The following VEGFC variants were observed in gnomAD, a reference collection of about 807,000 sequenced individuals.
VEGFC encodes the protein vascular endothelial growth factor C, also known as FLT4 ligand DHM.
Under a neutral mutation model 46.1 loss-of-function variants are expected in VEGFC, and 12 were observed. The ratio of observed to expected loss-of-function variants is 0.26; its 90% CI spans 0.17 to 0.42. The LOEUF is 0.42. Ranked by LOEUF, VEGFC falls within the 10% of genes least tolerant of loss-of-function variation. The probability of loss-of-function intolerance (pLI) is 1.00; values close to 1 mark genes in which losing one functional copy is unlikely to be tolerated. For missense variants in VEGFC, 488 were observed against 529.4 expected, an observed-to-expected ratio of 0.92 and a Z score of 0.77; for synonymous variants, 232 against 195.5, an observed-to-expected ratio of 1.19 and a Z score of -1.56.
At chr4:176,696,624 G>A (rs1157093690) in intron 4 of VEGFC, among the ~76,000 whole-genome samples, 2 of 151,134 alleles carry the variant, frequency 1.3e-5, no homozygotes, top group Non-Finnish European at 2.9e-5. Context: ...CACAGAACTG[G>A]AAAAAACTAC....
chr4:176,690,836 G>C (rs1191468349), intron 4 of VEGFC, among the ~76,000 whole-genome samples: 1 of 152,162 alleles, frequency 6.6e-6, no homozygotes, highest in African/African-American at 2.4e-5. Context: ...TTGGCATCGA[G>C]TGGCCATTAT....
intron 3 of VEGFC, among the ~76,000 whole-genome samples, chr4:176,720,100 G>A (rs1212591101): frequency 6.6e-6 from 1 of 151,896 alleles, no homozygotes; most frequent in African/African-American, 2.4e-5. Context: ...AAAAATATAA[G>A]CGAATCCTTT....
At position 176,727,961 on chromosome 4, in the gene VEGFC, A is replaced by T. The variant is rs775540239; in HGVS notation, c.369T>A (p.Asp123Glu). ...TGCATTGAGTCTTTCTCCACTCATTATCAATACCTGTCAAGTCATAGGGAA... is the reference window on the plus strand; with the variant it reads ...TGCATTGAGTCTTTCTCCACTCATTTTCAATACCTGTCAAGTCATAGGGAA... ...HYNTEILKSI[D>E]NEWRKTQCMP... is the part of the protein sequence containing the mutation. Residue 123 changes from aspartate to glutamate, a missense_variant, in exon 3 of 7, where the codon GAT becomes GAA. Transcript: ENST00000618562. The T allele has an allele frequency of 2.5e-6, 4 of 1,606,084 alleles. No homozygotes were observed. The South Asian group carries it at 3.3e-5, about 13-fold the overall frequency.
chr4:176,781,994 G>A (rs899629009), intron 1 of VEGFC, among the ~76,000 whole-genome samples: 1 of 152,144 alleles, frequency 6.6e-6, no homozygotes, highest in Non-Finnish European at 1.5e-5. Flanking sequence ...CTCAACTACC[G>A]CAGTGCCAAG....
intron 3 of VEGFC, among the ~76,000 whole-genome samples, chr4:176,718,788 G>A (rs1734735797): frequency 6.6e-6 from 1 of 152,030 alleles, no homozygotes; most frequent in African/African-American, 2.4e-5. Flanking sequence ...AATATATAAG[G>A]TAAATACTAA....
At chr4:176,751,449 A>G (rs1225867136) in intron 1 of VEGFC, among the ~76,000 whole-genome samples, 3 of 152,020 alleles carry the variant, frequency 2.0e-5, no homozygotes, top group Non-Finnish European at 2.9e-5. Context: ...CCTACAAACT[A>G]AAAAGACCAC....
chr4:176,686,414 T>A (rs1393430937), intron 6 of VEGFC, among the ~76,000 whole-genome samples: 1 of 152,126 alleles, frequency 6.6e-6, no homozygotes, highest in Non-Finnish European at 1.5e-5. Flanking sequence ...AGTAAGAGGC[T>A]AATAAAATAG....
intron 4 of VEGFC, among the ~76,000 whole-genome samples, chr4:176,703,453 T>C (rs1461453105): frequency 6.6e-6 from 1 of 152,042 alleles, no homozygotes; most frequent in Non-Finnish European, 1.5e-5. Context: ...AGTAGAATGA[T>C]GGTTACTAGA....
At chr4:176,705,361 T>C (rs1183370729) in intron 4 of VEGFC, among the ~76,000 whole-genome samples, 1 of 152,102 alleles carries the variant, frequency 6.6e-6, no homozygotes, top group Non-Finnish European at 1.5e-5. Context: ...GAAAAAATAA[T>C]CTGTGAGAAC....
rs113887306 is a variant in VEGFC, at chr4:176,759,483, C to T, written c.148-29737G>A. Among the ~76,000 whole-genome samples the T allele has an allele frequency of 7.3e-4, 111 of 151,878 alleles. 1 individual carries two copies. Among genetic ancestry groups the T allele is most frequent in the African/African-American group, 2.5e-3 (105 of 41,438 alleles). On this transcript the variant is annotated intron_variant, in intron 1 of 6. Transcript: ENST00000618562. The stretch of plus-strand genomic sequence containing the variant: ...GCTCGGGGACTGGTGGGGTGGTCAA[C>T]GGGGAGATGTTGTGTACAGGGTACA...
chr4:176,742,418 A>G (rs981765344), intron 1 of VEGFC, among the ~76,000 whole-genome samples: 2 of 151,912 alleles, frequency 1.3e-5, no homozygotes, highest in Non-Finnish European at 2.9e-5. Flanking sequence ...GTTTGACAGG[A>G]TGTTTCTTTT....
intron 1 of VEGFC, among the ~76,000 whole-genome samples, chr4:176,787,523 A>T (rs182544626): frequency 2.0e-5 from 3 of 152,156 alleles, no homozygotes; most frequent in African/African-American, 7.2e-5. Flanking sequence ...ATTGGAAAAA[A>T]AACTATCGTG....
intron 1 of VEGFC, among the ~76,000 whole-genome samples, chr4:176,785,808 A>G (rs762009040): frequency 6.6e-6 from 1 of 152,352 alleles, no homozygotes; most frequent in East Asian, 1.9e-4. Flanking sequence ...AGAACTATTA[A>G]GCGGTGTATG....
chr4:176,704,987 T>C (rs1272492055), intron 4 of VEGFC, among the ~76,000 whole-genome samples: 1 of 152,098 alleles, frequency 6.6e-6, no homozygotes, highest in African/African-American at 2.4e-5. Context: ...ACCACCTTAT[T>C]AGTATCTAGC....
chr4:176,683,905 G>A lies in VEGFC; in HGVS notation c.*21C>T, dbSNP rs538949140. 3.2e-6 allele frequency: 5 copies of A among 1,584,266 alleles called. No individual in the cohort carries two copies. The highest frequency in any genetic ancestry group is 4.3e-6 in the Non-Finnish European group (5 of 1,152,936). ...CAGTTTTCCATAATAGAAAATCGAT[G>A]AACTGGAAAACAGTACAATCTTAGC... is the stretch of plus-strand genomic sequence containing the variant. On this transcript the variant is annotated 3_prime_UTR_variant, in exon 7 of 7. Coordinates refer to ENST00000618562, the MANE Select transcript of VEGFC (RefSeq NM_005429.5).
intron 1 of VEGFC, among the ~76,000 whole-genome samples, chr4:176,767,735 A>G (rs2333516): frequency 0.83 from 125,627 of 152,168 alleles, 53,429 homozygotes; most frequent in East Asian, 1. Context: ...GAAGTAGGGA[A>G]CTATTCTAGG....
intron 1 of VEGFC, among the ~76,000 whole-genome samples, chr4:176,754,657 C>T (rs1372273456): frequency 6.6e-6 from 1 of 151,990 alleles, no homozygotes; most frequent in African/African-American, 2.4e-5. Context: ...ATCTTTCCAT[C>T]TCAAGATCCT....
At chr4:176,788,467 A>G (rs984096716) in intron 1 of VEGFC, among the ~76,000 whole-genome samples, 6 of 152,230 alleles carry the variant, frequency 3.9e-5, no homozygotes, top group Non-Finnish European at 8.8e-5. Flanking sequence ...TCACAGGCCC[A>G]AAGGCCCAAA....
chr4:176,748,077 T>C lies in VEGFC; in HGVS notation c.148-18331A>G, dbSNP rs368471979. Among the ~76,000 whole-genome samples the C allele has an allele frequency of 7.2e-5, 11 of 152,184 alleles. No homozygotes were observed. The East Asian group carries it at 2.1e-3, about 29-fold the overall frequency. On this transcript the variant is annotated intron_variant, in intron 1 of 6. Transcript: ENST00000618562. ...GCATTCAATATGTATATAAAAACTTTGGGAATTTTACACTATGCCAAGACT... is the reference window on the plus strand; with the variant it reads ...GCATTCAATATGTATATAAAAACTTCGGGAATTTTACACTATGCCAAGACT...
Sources: allele counts gnomAD v4.1 joint callset (sites outside exome capture counted in the v4.1 genomes callset), GRCh38; gene constraint gnomAD v4.1.1; transcripts MANE v1.5; gene names NCBI Gene and HGNC (gene_info 2026-07-23, HGNC 2026-07-21).